Variants in RGS5 observed in about 807,000 individuals in gnomAD.
The protein encoded by RGS5 is regulator of G protein signaling 5, also known as regulator of G-protein signalling 5.
Under a neutral mutation model 18.9 loss-of-function variants are expected in RGS5, and 20 were observed. The observed-to-expected ratio is 1.06, with a 90% CI of 0.74 to 1.54. The LOEUF is 1.54. RGS5 is among the 40% of genes most tolerant of loss of function. RGS5 has a pLI of 0.00. For synonymous variants in RGS5, 57 were observed against 76.2 expected (o/e 0.75, Z 1.31); for missense variants, 201 against 211.8 (o/e 0.95, Z 0.32).
At chr1:163,217,755 T>C, upstream of RGS5, 1 of 963,950 alleles carries the variant, frequency 1.0e-6, no homozygotes, top group Non-Finnish European at 1.4e-6. Context: ...GAACCTGAAT[T>C]CTACCATTGT....
rs566994033 is a variant in RGS5 at position 163,199,937 on chromosome 1, C to A, written c.44+2855G>T. Among the ~76,000 whole-genome samples the A allele has an allele frequency of 1.5e-4, 23 of 152,140 alleles. 1 individual carries two copies. In the South Asian group the frequency reaches 4.8e-3, roughly 32 times the overall value. On this transcript the variant is annotated intron_variant, in intron 1 of 4. Transcript: ENST00000313961. ...CTTCCTGCCTTAGCCTCCCAAAGTGCGAGGATTATAGGCATGAGCCACCAT... is the reference window on the plus strand; with the variant it reads ...CTTCCTGCCTTAGCCTCCCAAAGTGAGAGGATTATAGGCATGAGCCACCAT...
At chr1:163,313,993 ATATATATGTG>A (rs1294297862) in intron 1 of RGS5, among the ~76,000 whole-genome samples, 1 of 21,426 alleles carries the variant, frequency 4.7e-5, no homozygotes, top group Non-Finnish European at 1.1e-4. Context: ...AGTAAATAAG[ATATATATGTG>A]TGTGTGTGTG....
At chr1:163,218,598 T>A (rs1660268369), upstream of RGS5, among the ~76,000 whole-genome samples, 1 of 151,246 alleles carries the variant, frequency 6.6e-6, no homozygotes, top group African/African-American at 2.4e-5. Flanking sequence ...TATGTAAAAA[T>A]AAAAATAAAA....
chr1:163,306,683 G>T (rs987514631), intron 1 of RGS5, among the ~76,000 whole-genome samples: 3 of 152,092 alleles, frequency 2.0e-5, no homozygotes, highest in Non-Finnish European at 4.4e-5. Flanking sequence ...TCATTAGGTT[G>T]GGTCTTACTC....
At chr1:163,301,571 G>C (rs1439831808) in intron 2 of RGS5, among the ~76,000 whole-genome samples, 1 of 152,158 alleles carries the variant, frequency 6.6e-6, no homozygotes, top group Middle Eastern at 3.4e-3. Context: ...GAGCTCAACC[G>C]ATCCTCCCGC....
chr1:163,171,777 T>C (rs1164566253), intron 1 of RGS5, among the ~76,000 whole-genome samples: 6 of 152,236 alleles, frequency 3.9e-5, no homozygotes, highest in Non-Finnish European at 5.9e-5. Context: ...ATGTTTACTG[T>C]GTCAGGCAGT....
chr1:163,267,637 G>T (rs987899349), intron 2 of RGS5, among the ~76,000 whole-genome samples: 1 of 152,120 alleles, frequency 6.6e-6, no homozygotes, highest in African/African-American at 2.4e-5. Context: ...CTCCTATTGT[G>T]AGTCTGCTCC....
intron 2 of RGS5, chr1:163,248,722 G>A (rs1370460666): frequency 6.6e-6 from 1 of 152,126 alleles, no homozygotes; most frequent in Non-Finnish European, 1.5e-5. Context: ...AAGATAAAAG[G>A]AAGAAAGAGT....
chr1:163,176,633 A>AAT (rs397969717), intron 1 of RGS5, among the ~76,000 whole-genome samples: 2 of 148,434 alleles, frequency 1.3e-5, no homozygotes, highest in Non-Finnish European at 3.0e-5. Flanking sequence ...AAAAAAAAAA[A>AAT]GAAAAGAAAA....
intron 2 of RGS5, among the ~76,000 whole-genome samples, chr1:163,292,968 G>A (rs1649328647): frequency 6.6e-6 from 1 of 152,156 alleles, no homozygotes. Flanking sequence ...TCTGTAGGTT[G>A]TCTGTTTACT....
intron 1 of RGS5, among the ~76,000 whole-genome samples, chr1:163,188,062 C>T (rs1659169369): frequency 6.6e-6 from 1 of 151,992 alleles, no homozygotes; most frequent in East Asian, 1.9e-4. Context: ...GGTGTGAGAG[C>T]AGACGGAAAA....
chr1:163,227,929 T>C (rs189313858), intron 2 of RGS5, among the ~76,000 whole-genome samples: 1 of 152,204 alleles, frequency 6.6e-6, no homozygotes, highest in Admixed American at 6.5e-5. Flanking sequence ...ATGTCTCACA[T>C]CCAGGTCACA....
At chr1:163,162,297 G>A (rs1657834925) in intron 2 of RGS5, among the ~76,000 whole-genome samples, 1 of 152,046 alleles carries the variant, frequency 6.6e-6, no homozygotes, top group Admixed American at 6.6e-5. Flanking sequence ...TCCAACTGTG[G>A]TCTTTTTTCC....
intron 1 of RGS5, among the ~76,000 whole-genome samples, chr1:163,187,456 A>G (rs1289812267): frequency 3.3e-5 from 5 of 152,142 alleles, no homozygotes; most frequent in Non-Finnish European, 7.4e-5. Flanking sequence ...CAGGAAACAG[A>G]ATCTCTTTCC....
At chr1:163,151,207 G>A (rs1177939538) in intron 4 of RGS5, among the ~76,000 whole-genome samples, 1 of 151,986 alleles carries the variant, frequency 6.6e-6, no homozygotes, top group African/African-American at 2.4e-5. Flanking sequence ...GTCAATCAGT[G>A]GTATATTGGC....
At chr1:163,151,799 A>G (rs1365508272) in intron 4 of RGS5, among the ~76,000 whole-genome samples, 3 of 152,178 alleles carry the variant, frequency 2.0e-5, no homozygotes, top group African/African-American at 7.2e-5. Context: ...TAGCAGTGAG[A>G]GAAAGGAATA....
chr1:163,316,478 A>C (rs1294472823), intron 1 of RGS5, among the ~76,000 whole-genome samples: 2 of 152,172 alleles, frequency 1.3e-5, no homozygotes, highest in Non-Finnish European at 2.9e-5. Flanking sequence ...CAACCATAGA[A>C]TTTGTAAACC....
chr1:163,200,661 C>A (rs897143332), intron 1 of RGS5, among the ~76,000 whole-genome samples: 1 of 152,158 alleles, frequency 6.6e-6, no homozygotes, highest in African/African-American at 2.4e-5. Flanking sequence ...TTAGAAATTA[C>A]AATGACCCTA....
intron 2 of RGS5, among the ~76,000 whole-genome samples, chr1:163,278,029 C>CA (rs998734560): frequency 1.5e-4 from 23 of 149,092 alleles, no homozygotes; most frequent in African/African-American, 3.4e-4. Flanking sequence ...TAAACATTTG[C>CA]AAAAAAAATG....
Sources: allele counts gnomAD v4.1 joint callset (sites outside exome capture counted in the v4.1 genomes callset), GRCh38; gene constraint gnomAD v4.1.1; transcripts MANE v1.5; gene names NCBI Gene and HGNC (gene_info 2026-07-23, HGNC 2026-07-21).